Variants in NCKAP5 observed in about 807,000 individuals in gnomAD.
NCKAP5 encodes the protein NCK associated protein 5, also known as nck-associated protein 5.
Under a neutral mutation model 167.0 loss-of-function variants are expected in NCKAP5, and 92 were observed. The ratio of observed to expected loss-of-function variants is 0.55; its 90% CI spans 0.47 to 0.66. NCKAP5 has a LOEUF of 0.66. Among genes scored for constraint, NCKAP5 ranks in the 30% least tolerant of loss-of-function variants. The pLI is 0.00. For missense variants in NCKAP5, 2,378 were observed against 2,315.0 expected (o/e 1.03, Z -0.56); for synonymous variants, 891 against 877.4 (o/e 1.02, Z -0.27).
intron 4 of NCKAP5, among the ~76,000 whole-genome samples, chr2:133,228,428 C>A (rs1414714453): frequency 6.6e-6 from 1 of 152,088 alleles, no homozygotes; most frequent in Non-Finnish European, 1.5e-5. Flanking sequence ...TAACATTGAG[C>A]CTACATCTTG....
intron 3 of NCKAP5, among the ~76,000 whole-genome samples, chr2:133,362,928 GTTTT>G (rs1280975890): frequency 6.6e-6 from 1 of 150,684 alleles, no homozygotes; most frequent in Non-Finnish European, 1.5e-5. Flanking sequence ...TAGTTTTTTC[GTTTT>G]TTGTTTTTTT....
chr2:133,619,873 A>T, the NCKAP5 span, among the ~76,000 whole-genome samples: 1 of 152,168 alleles, frequency 6.6e-6, no homozygotes, highest in African/African-American at 2.4e-5. Flanking sequence ...AGTAACCTAA[A>T]AAGGAAAACC....
chr2:133,414,522 CA>C (rs1157405761), intron 3 of NCKAP5, among the ~76,000 whole-genome samples: 3 of 150,800 alleles, frequency 2.0e-5, no homozygotes, highest in Non-Finnish European at 4.4e-5. Flanking sequence ...CTTGTTGCAC[CA>C]AAAAAAAGCA....
chr2:133,167,344 C>T (rs527369987), intron 5 of NCKAP5, among the ~76,000 whole-genome samples: 10 of 152,082 alleles, frequency 6.6e-5, no homozygotes, highest in Admixed American at 3.9e-4. Flanking sequence ...TAAATAATAT[C>T]CTTGCCATCA....
chr2:132,902,096 C>T (rs984798425), intron 8 of NCKAP5, among the ~76,000 whole-genome samples: 4 of 152,148 alleles, frequency 2.6e-5, no homozygotes, highest in African/African-American at 9.7e-5. Context: ...CTGTGAATCA[C>T]CATGATAATA....
chr2:133,588,825 T>C, the NCKAP5 span, among the ~76,000 whole-genome samples: 1 of 152,092 alleles, frequency 6.6e-6, no homozygotes. Context: ...AAGCAAACCA[T>C]GAGACTATTT....
At chr2:133,397,360 T>C (rs1687796528) in intron 3 of NCKAP5, among the ~76,000 whole-genome samples, 1 of 152,222 alleles carries the variant, frequency 6.6e-6, no homozygotes, top group South Asian at 2.1e-4. Flanking sequence ...ATGTATTCAA[T>C]GATATAATTA....
chr2:133,495,148 T>C (rs112952517), intron 3 of NCKAP5, among the ~76,000 whole-genome samples: 23 of 152,206 alleles, frequency 1.5e-4, no homozygotes, highest in African/African-American at 5.5e-4. Context: ...CCTGCCTTTC[T>C]GGACTGAACC....
intron 19 of NCKAP5, among the ~76,000 whole-genome samples, chr2:132,677,952 G>T (rs952781282): frequency 6.6e-6 from 1 of 152,102 alleles, no homozygotes; most frequent in East Asian, 1.9e-4. Context: ...AAATCCAAGT[G>T]AAATTAGACC....
chr2:133,459,982 C>A (rs1267300803), intron 3 of NCKAP5, among the ~76,000 whole-genome samples: 1 of 151,986 alleles, frequency 6.6e-6, no homozygotes, highest in Non-Finnish European at 1.5e-5. Context: ...GACTTACGTG[C>A]AAAAAGAGGA....
chr2:133,429,418 G>A (rs562859409), intron 3 of NCKAP5, among the ~76,000 whole-genome samples: 12 of 151,962 alleles, frequency 7.9e-5, no homozygotes, highest in Non-Finnish European at 1.6e-4. Context: ...AGTGAATATA[G>A]TAACCAATAA....
At chr2:133,181,486 T>A (rs192975834) in intron 5 of NCKAP5, among the ~76,000 whole-genome samples, 2 of 149,154 alleles carry the variant, frequency 1.3e-5, no homozygotes, top group Admixed American at 1.4e-4. Flanking sequence ...CCATTGAAAG[T>A]AAATGATCTA....
intron 5 of NCKAP5, among the ~76,000 whole-genome samples, chr2:133,183,437 AT>A (rs143555299): frequency 0.014 from 2,201 of 152,294 alleles, 27 homozygotes; most frequent in Middle Eastern, 0.051. Context: ...GGACATGAGA[AT>A]GGAAAAAAAT....
At chr2:133,086,927 A>G (rs530172067) in intron 6 of NCKAP5, among the ~76,000 whole-genome samples, 6 of 152,296 alleles carry the variant, frequency 3.9e-5, no homozygotes, top group Admixed American at 1.3e-4. Context: ...ATACTTGCCA[A>G]ACAGCAATGC....
intron 3 of NCKAP5, among the ~76,000 whole-genome samples, chr2:133,340,541 C>G (rs529917873): frequency 6.6e-6 from 1 of 152,122 alleles, no homozygotes; most frequent in African/African-American, 2.4e-5. Flanking sequence ...TGACTTACAA[C>G]AGTGGCTCTG....
At chr2:133,561,905 G>GA (rs1357328979) in intron 1 of NCKAP5, among the ~76,000 whole-genome samples, 2 of 151,848 alleles carry the variant, frequency 1.3e-5, no homozygotes, top group East Asian at 3.9e-4. Flanking sequence ...ATAACTTTAG[G>GA]AAAAAATGTT....
chr2:133,137,246 A>G (rs926675050), intron 5 of NCKAP5, among the ~76,000 whole-genome samples: 7 of 152,166 alleles, frequency 4.6e-5, no homozygotes, highest in Non-Finnish European at 8.8e-5. Context: ...TTGAGGATTG[A>G]TTTTTTAAAA....
intron 3 of NCKAP5, among the ~76,000 whole-genome samples, chr2:133,513,969 G>T (rs568718079): frequency 6.6e-6 from 1 of 152,152 alleles, no homozygotes; most frequent in Non-Finnish European, 1.5e-5. Flanking sequence ...TGGGCAGCCC[G>T]GGAATGAGTC....
At chr2:132,729,967 C>T in intron 17 of NCKAP5, among the ~76,000 whole-genome samples, 1 of 152,214 alleles carries the variant, frequency 6.6e-6, no homozygotes, top group Middle Eastern at 3.4e-3. Context: ...CAAAAAGGAG[C>T]TATAATCTCA....
Sources: allele counts gnomAD v4.1 joint callset (sites outside exome capture counted in the v4.1 genomes callset), GRCh38; gene constraint gnomAD v4.1.1; transcripts MANE v1.5; gene names NCBI Gene and HGNC (gene_info 2026-07-23, HGNC 2026-07-21).